DHRS12: variants seen among roughly 807,000 people sequenced by gnomAD.
DHRS12 encodes dehydrogenase/reductase 12, also known as dehydrogenase/reductase SDR family member 12.
Under a neutral mutation model 32.1 loss-of-function variants are expected in DHRS12, and 29 were observed. That is an observed-to-expected ratio of 0.90 (90% confidence interval 0.67 to 1.23). The LOEUF is 1.23. Among genes scored for constraint, DHRS12 ranks in the 50% most tolerant of loss-of-function variants. DHRS12 has a pLI of 0.00. For missense variants in DHRS12, 330 were observed against 337.2 expected, an observed-to-expected ratio of 0.98 and a Z score of 0.17; for synonymous variants, 150 against 135.9, an observed-to-expected ratio of 1.10 and a Z score of -0.72.
chr13:51,791,270 G>GAA lies in DHRS12; in HGVS notation c.127-14_127-13insTT, dbSNP rs781311098. ...GCAGAAAAATGTTCTAAATTAGAAA[G>GAA]CAAAAAAAAAAAAAACCCTTTTTAA... On this transcript the variant is annotated splice_polypyrimidine_tract_variant and intron_variant, in intron 2 of 8. Coordinates refer to ENST00000444610, the MANE Select transcript of DHRS12 (RefSeq NM_001377533.1). The GAA allele has an allele frequency of 4.6e-6, 5 of 1,096,978 alleles. No individual in the cohort carries two copies. Among genetic ancestry groups the GAA allele is most frequent in the Non-Finnish European group, 4.8e-6 (4 of 835,988 alleles). 68.0% of individuals were successfully genotyped at this position (1,096,978 alleles called of 1,614,324 possible).
chr13:51,765,586 T>C (rs758198458), downstream of DHRS12: 1 of 152,234 alleles, frequency 6.6e-6, no homozygotes, highest in Non-Finnish European at 1.5e-5. Context: ...CGTTTATTAT[T>C]GGACATGCCT....
At chr13:51,803,965 C>T in intron 1 of DHRS12, 89 bp downstream of exon 1, 1 of 1,212,122 alleles carries the variant, frequency 8.2e-7, no homozygotes, top group Non-Finnish European at 1.1e-6. Context: ...GCGAAGGAGC[C>T]GCGGGCGCGT....
At chr13:51,774,098 T>G in intron 5 of DHRS12, 64 bp from the exon 6 acceptor site, 1 of 1,459,440 alleles carries the variant, frequency 6.9e-7, no homozygotes, top group East Asian at 2.3e-5. Context: ...CTTCACCCCC[T>G]GTAGAGCAGT....
chr13:51,789,058 C>T (rs1193365831), intron 4 of DHRS12, among the ~76,000 whole-genome samples: 1 of 152,142 alleles, frequency 6.6e-6, no homozygotes, highest in Non-Finnish European at 1.5e-5. Context: ...TTCAACCAGC[C>T]TTATCAGTAA....
intron 1 of DHRS12, 61 bp from the exon 2 acceptor site, chr13:51,799,728 A>C (rs1463739408): frequency 1.3e-6 from 2 of 1,582,422 alleles, no homozygotes; most frequent in African/African-American, 2.7e-5. Context: ...AAACCCCTGC[A>C]GGAGAAAGCC....
chr13:51,781,377 G>A (rs75594817), intron 4 of DHRS12, among the ~76,000 whole-genome samples: 10,290 of 152,186 alleles, frequency 0.068, 497 homozygotes, highest in Non-Finnish European at 0.11. Context: ...CACTGAACAA[G>A]TATTTATCAA....
rs138186040 is a variant in DHRS12, at chr13:51,791,149, T to C, written c.219+16A>G. The C allele has an allele frequency of 4.6e-6, 7 of 1,524,624 alleles. No individual in the cohort carries two copies. The highest frequency in any genetic ancestry group is 4.2e-5 in the African/African-American group (3 of 71,494). The allele number at this position is 1,524,624 out of a possible 1,614,324, so 94.4% of individuals were successfully genotyped here. ...CCAACATGAATTTATTCTCCACTTA[T>C]GTTTACAAAGCTCACCAGAACATGG... On this transcript the variant is annotated intron_variant, in intron 3 of 8. Transcript: ENST00000444610.
At chr13:51,774,119 G>T (rs1472064403) in intron 5 of DHRS12, 85 bp from the exon 6 acceptor site, 10 of 1,304,160 alleles carry the variant, frequency 7.7e-6, no homozygotes, top group African/African-American at 1.5e-5. Context: ...GCTTCTTGCT[G>T]TTGTGACCAA....
intron 8 of DHRS12, 183 bp from the exon 9 acceptor site, chr13:51,768,479 G>C: frequency 2.8e-6 from 4 of 1,425,812 alleles, no homozygotes; most frequent in Non-Finnish European, 3.7e-6. Flanking sequence ...GATATGTAAA[G>C]TGCAGTTTGG....
intron 2 of DHRS12, among the ~76,000 whole-genome samples, chr13:51,793,392 G>A (rs976682334): frequency 7.9e-5 from 12 of 152,310 alleles, no homozygotes; most frequent in South Asian, 2.1e-4. Context: ...GAGAAGTTCC[G>A]TGCCCTGCCT....
chr13:51,771,484 G>A (rs750194424), intron 7 of DHRS12: 2 of 1,613,998 alleles, frequency 1.2e-6, no homozygotes, highest in African/African-American at 1.3e-5. Context: ...CTCAGCTCCT[G>A]CTCATTCCTG....
chr13:51,760,457 A>G, the DHRS12 span: 1 of 152,178 alleles, frequency 6.6e-6, no homozygotes, highest in Non-Finnish European at 1.5e-5. Context: ...CCACATTAAA[A>G]AAAAAAATGC....
intron 4 of DHRS12, among the ~76,000 whole-genome samples, chr13:51,780,104 G>A (rs919878310): frequency 1.2e-4 from 19 of 152,138 alleles, no homozygotes; most frequent in Non-Finnish European, 2.6e-4. Context: ...TTGAACCCAG[G>A]AGGCGGAGGT....
At chr13:51,797,740 C>T in intron 2 of DHRS12, 1 of 1,379,048 alleles carries the variant, frequency 7.3e-7, no homozygotes, top group Non-Finnish European at 9.9e-7. Flanking sequence ...CCTCTTCAAC[C>T]CAGGGAAAGC....
chr13:51,767,981 C>G (rs1953826894), downstream of DHRS12: 1 of 1,370,514 alleles, frequency 7.3e-7, no homozygotes, highest in South Asian at 1.8e-5. Flanking sequence ...AGAAAAGAAC[C>G]TGCTGCAGGA....
intron 1 of DHRS12, chr13:51,803,605 T>C (rs1955854899): frequency 6.5e-6 from 1 of 153,032 alleles, no homozygotes; most frequent in Non-Finnish European, 1.5e-5. Flanking sequence ...GCAGTCCAGG[T>C]GCTGCATCTT....
chr13:51,763,810 T>TATA, downstream of DHRS12: 1 of 152,214 alleles, frequency 6.6e-6, no homozygotes, highest in East Asian at 1.9e-4. Flanking sequence ...TAAACAAAAG[T>TATA]ATAATTTATT....
chr13:51,781,882 A>G (rs1457702061), intron 4 of DHRS12, among the ~76,000 whole-genome samples: 2 of 152,164 alleles, frequency 1.3e-5, no homozygotes, highest in African/African-American at 4.8e-5. Context: ...TTATGGAGGA[A>G]GCCTCTGTTC....
intron 4 of DHRS12, among the ~76,000 whole-genome samples, chr13:51,788,853 C>G (rs1468298656): frequency 6.6e-6 from 1 of 151,422 alleles, no homozygotes; most frequent in Non-Finnish European, 1.5e-5. Flanking sequence ...GAACAAGATC[C>G]TGTCTCAAAA....
Sources: gnomAD v4.1 joint callset for allele counts (sites outside exome capture counted in the v4.1 genomes callset) on GRCh38, gnomAD v4.1.1 for gene constraint, MANE v1.5 for transcripts, NCBI Gene and HGNC (gene_info 2026-07-23, HGNC 2026-07-21) for gene names.